GOLGA4: variants seen among roughly 807,000 people sequenced by gnomAD.
GOLGA4 encodes the protein golgin subfamily A member 4.
In GOLGA4, 169 loss-of-function variants were observed where a neutral mutation model predicts 265.9. The ratio of observed to expected loss-of-function variants is 0.64; its 90% CI spans 0.56 to 0.72. GOLGA4 has a LOEUF of 0.72. GOLGA4 is among the 30% of genes least tolerant of loss of function. GOLGA4 has a pLI of 0.00. For synonymous variants in GOLGA4, 923 were observed against 855.8 expected, an observed-to-expected ratio of 1.08 and a Z score of -1.37; for missense variants, 2,482 against 2,483.4, an observed-to-expected ratio of 1.00 and a Z score of 0.01.
intron 22 of GOLGA4, among the ~76,000 whole-genome samples, chr3:37,356,913 T>C (rs973835572): frequency 2.0e-5 from 3 of 152,182 alleles, no homozygotes; most frequent in African/African-American, 7.2e-5. Flanking sequence ...TGCTATATAG[T>C]GTAGGCTCAT....
At chr3:37,258,027 A>G (rs1212429024) in intron 2 of GOLGA4, among the ~76,000 whole-genome samples, 1 of 79,444 alleles carries the variant, frequency 1.3e-5, no homozygotes, top group East Asian at 2.4e-4. Context: ...ATATGTATGT[A>G]TATATGTATA....
At chr3:37,268,579 C>G (rs970852553) in intron 2 of GOLGA4, among the ~76,000 whole-genome samples, 6 of 150,890 alleles carry the variant, frequency 4.0e-5, no homozygotes, top group Non-Finnish European at 7.4e-5. Context: ...CCTTTTTTTT[C>G]TTTTGAGAGA....
intron 10 of GOLGA4, among the ~76,000 whole-genome samples, chr3:37,307,913 A>G (rs1275091914): frequency 1.3e-5 from 2 of 152,160 alleles, no homozygotes; most frequent in African/African-American, 2.4e-5. Context: ...AAGGTATTTG[A>G]TAGATAAATA....
chr3:37,331,066 G>A (rs1451491644), intron 16 of GOLGA4, among the ~76,000 whole-genome samples: 3 of 148,636 alleles, frequency 2.0e-5, no homozygotes, highest in African/African-American at 7.4e-5. Context: ...CCACAAATAT[G>A]AGCCATATTG....
At chr3:37,314,642 A>AAC (rs60890140) in intron 10 of GOLGA4, among the ~76,000 whole-genome samples, 9,543 of 138,912 alleles carry the variant, frequency 0.069, 520 homozygotes, top group African/African-American at 0.15. Flanking sequence ...CTCCGTCTCA[A>AAC]ACACACACAC....
At chr3:37,320,392 T>C (rs1158808891) in intron 12 of GOLGA4, 1 of 152,228 alleles carries the variant, frequency 6.6e-6, no homozygotes, top group Non-Finnish European at 1.5e-5. Flanking sequence ...ATCTTCTTTC[T>C]TACGTGTATT....
chr3:37,288,302 G>T (rs552472200), intron 4 of GOLGA4, among the ~76,000 whole-genome samples: 1 of 150,870 alleles, frequency 6.6e-6, no homozygotes, highest in Non-Finnish European at 1.5e-5. Context: ...GTAGAGATGG[G>T]GTTTCACTAT....
At chr3:37,279,157 T>C (rs1388643691) in intron 2 of GOLGA4, among the ~76,000 whole-genome samples, 1 of 152,150 alleles carries the variant, frequency 6.6e-6, no homozygotes, top group Non-Finnish European at 1.5e-5. Flanking sequence ...CCTAGAGTTC[T>C]TAAAACATAG....
chr3:37,276,706 A>G, intron 2 of GOLGA4: 1 of 1,071,880 alleles, frequency 9.3e-7, no homozygotes, highest in Non-Finnish European at 1.4e-6. Flanking sequence ...TTTTAAAGCA[A>G]CTTGAGTTAG....
chr3:37,359,993 A>G (rs1378328835), intron 22 of GOLGA4, among the ~76,000 whole-genome samples: 1 of 152,204 alleles, frequency 6.6e-6, no homozygotes, highest in Non-Finnish European at 1.5e-5. Context: ...ATTATAAGCC[A>G]GAAACATAGA....
chr3:37,358,818 A>T (rs1044485161), intron 22 of GOLGA4, among the ~76,000 whole-genome samples: 13 of 152,176 alleles, frequency 8.5e-5, no homozygotes, highest in African/African-American at 2.4e-4. Flanking sequence ...CCCCATCTCC[A>T]ACTTCGGTAC....
chr3:37,260,638 C>CAA (rs11456184), intron 2 of GOLGA4, among the ~76,000 whole-genome samples: 10 of 119,054 alleles, frequency 8.4e-5, no homozygotes, highest in African/African-American at 2.7e-4. Flanking sequence ...AACTCCGTCT[C>CAA]AAAAAAAAAA....
intron 2 of GOLGA4, among the ~76,000 whole-genome samples, chr3:37,260,651 A>T (rs1001887076): frequency 1.3e-5 from 2 of 151,696 alleles, no homozygotes; most frequent in Non-Finnish European, 2.9e-5. Context: ...AAAAAAAAAA[A>T]GAAACAGGGC....
intron 23 of GOLGA4, among the ~76,000 whole-genome samples, chr3:37,363,490 C>T (rs964136953): frequency 6.6e-6 from 1 of 152,190 alleles, no homozygotes; most frequent in Admixed American, 6.5e-5. Context: ...CACCCATATA[C>T]CCTTCACCTA....
At chr3:37,330,072 T>A (rs1326801554) in intron 16 of GOLGA4, among the ~76,000 whole-genome samples, 1 of 152,128 alleles carries the variant, frequency 6.6e-6, no homozygotes, top group Admixed American at 6.5e-5. Flanking sequence ...ATGAAAAGAT[T>A]TAAATAATTT....
At chr3:37,279,587 T>C (rs1214659335) in intron 2 of GOLGA4, among the ~76,000 whole-genome samples, 3 of 152,146 alleles carry the variant, frequency 2.0e-5, no homozygotes, top group African/African-American at 7.2e-5. Flanking sequence ...TGCTCTGTTA[T>C]ATGAAGATTT....
intron 1 of GOLGA4, chr3:37,243,884 A>G (rs1486636107): frequency 1.9e-6 from 1 of 518,344 alleles, no homozygotes; most frequent in Admixed American, 3.6e-5. Context: ...CATCTCCGTT[A>G]AGAGTTTTCT....
In GOLGA4 at chr3:37,286,003, C is replaced by T; in HGVS notation, c.478-11C>T. 1 of 1,511,384 alleles carries T rather than the reference C, an allele frequency of 6.6e-7. No individual in the cohort carries two copies. The highest frequency in any genetic ancestry group is 1.2e-5 in the South Asian group (1 of 84,786). The allele number at this position is 1,511,384 out of a possible 1,614,324, so 93.6% of individuals were successfully genotyped here. On this transcript the variant is annotated splice_polypyrimidine_tract_variant and intron_variant, in intron 3 of 23. Transcript: ENST00000361924. Reference sequence around the variant, plus strand: ...TAGGAATGACTAATGTTGTTGATGACTATATTTTAGCTTGTTACAGCTTAT... The same window carrying T: ...TAGGAATGACTAATGTTGTTGATGATTATATTTTAGCTTGTTACAGCTTAT...
At position 37,347,240 on chromosome 3, in the gene GOLGA4, G is replaced by A. The variant is rs750023676; in HGVS notation, c.6520G>A (p.Glu2174Lys). Residue 2174 changes from glutamate to lysine, a missense_variant, in exon 21 of 24, where the codon GAA becomes AAA. By Grantham distance (56) the Glu-to-Lys change is moderately conservative. Around this residue, in one of 3 missense-constraint regions of GOLGA4, gnomAD observed 942 missense variants for 983.1 expected, o/e 0.96. Coordinates refer to ENST00000361924, the MANE Select transcript of GOLGA4 (RefSeq NM_002078.5). ...TGTCTCACTCTTTGGAGAACCTACCGAATTTGAGTATTTGCGAAAAGTGCT... is the reference window on the plus strand; with the variant it reads ...TGTCTCACTCTTTGGAGAACCTACCAAATTTGAGTATTTGCGAAAAGTGCT... The part of the protein sequence containing the change: ...TDVSLFGEPT[E>K]FEYLRKVLFE... The A allele has an allele frequency of 2.1e-5, 34 of 1,612,902 alleles. No homozygotes were observed. The highest frequency in any genetic ancestry group is 2.7e-5 in the Non-Finnish European group (32 of 1,179,330).
Sources: allele counts gnomAD v4.1 joint callset (sites outside exome capture counted in the v4.1 genomes callset), GRCh38; gene constraint gnomAD v4.1.1; regional missense constraint gnomAD v4.1.1; transcripts MANE v1.5; gene names NCBI Gene and HGNC (gene_info 2026-07-23, HGNC 2026-07-21).